Variants in SESTD1 observed in about 807,000 individuals in gnomAD.
SESTD1 encodes the protein SEC14 and spectrin domain containing 1, also known as SEC14 domain and spectrin repeat-containing protein 1.
Under a neutral mutation model 101.7 loss-of-function variants are expected in SESTD1, and 43 were observed. The observed-to-expected ratio is 0.42, with a 90% CI of 0.33 to 0.55. The LOEUF (loss-of-function observed/expected upper bound fraction) is 0.55, where lower values mean the gene tolerates loss of function less well. SESTD1 is among the 20% of genes least tolerant of loss of function. The probability of loss-of-function intolerance (pLI) is 0.07; values close to 1 mark genes in which losing one functional copy is unlikely to be tolerated. For synonymous variants in SESTD1, 283 were observed against 286.8 expected (o/e 0.99, Z 0.13); for missense variants, 647 against 815.1 (o/e 0.79, Z 2.51).
chr2:179,123,189 C>G (rs2044791916), intron 12 of SESTD1, among the ~76,000 whole-genome samples: 1 of 152,062 alleles, frequency 6.6e-6, no homozygotes, highest in Non-Finnish European at 1.5e-5. Flanking sequence ...TGACATCAAG[C>G]CTACATCAGC....
chr2:179,173,235 G>T (rs2045955790), intron 4 of SESTD1, among the ~76,000 whole-genome samples: 1 of 152,144 alleles, frequency 6.6e-6, no homozygotes, highest in Admixed American at 6.6e-5. Flanking sequence ...TCTTCAGAGA[G>T]GCCTTCCCTG....
At chr2:179,257,608 A>C (rs2047417653) in intron 1 of SESTD1, among the ~76,000 whole-genome samples, 1 of 152,224 alleles carries the variant, frequency 6.6e-6, no homozygotes, top group Non-Finnish European at 1.5e-5. Flanking sequence ...TCTGCAAAGG[A>C]TTAAAGACAC....
intron 1 of SESTD1, among the ~76,000 whole-genome samples, chr2:179,241,644 C>T (rs536108269): frequency 2.0e-5 from 3 of 152,058 alleles, no homozygotes; most frequent in Admixed American, 6.5e-5. Context: ...AATTTAGGGC[C>T]GGGCACAGTG....
chr2:179,252,147 A>C lies in SESTD1; in HGVS notation c.-26+12352T>G, dbSNP rs569851555. The stretch of plus-strand genomic sequence containing the variant: ...AGCAGTTTAGCTCAAATGACATTTT[A>C]ACAGAAACTGTTATGTTCAGAACAG... On this transcript the variant is annotated intron_variant, in intron 1 of 17. Coordinates refer to ENST00000428443, the MANE Select transcript of SESTD1 (RefSeq NM_178123.5). Among the ~76,000 whole-genome samples, 7 of 152,370 alleles carry C rather than the reference A, an allele frequency of 4.6e-5. No homozygotes were observed. In the South Asian group the frequency reaches 1.2e-3, roughly 27 times the overall value.
chr2:179,181,162 T>C (rs780066177), intron 3 of SESTD1, among the ~76,000 whole-genome samples: 6 of 152,140 alleles, frequency 3.9e-5, no homozygotes, highest in Non-Finnish European at 8.8e-5. Flanking sequence ...TTAAATAGTA[T>C]AGGCTATTTT....
At chr2:179,171,861 G>T (rs1008192039) in intron 5 of SESTD1, among the ~76,000 whole-genome samples, 13 of 151,958 alleles carry the variant, frequency 8.6e-5, no homozygotes, top group African/African-American at 3.1e-4. Context: ...AAATACAAAG[G>T]TTCTACTTAT....
chr2:179,133,936 A>G lies in SESTD1; in HGVS notation c.850-1510T>C, dbSNP rs192088870. Among the ~76,000 whole-genome samples, 525 of 152,208 alleles carry G rather than the reference A, an allele frequency of 3.4e-3. 1 individual carries two copies. The highest frequency in any genetic ancestry group is 6.0e-3 in the Non-Finnish European group (407 of 68,022). ...TCAAGCACAAAAAAATAACAATACA[A>G]CAATTTAAAGATACAAATAATAAGC... On this transcript the variant is annotated intron_variant, in intron 9 of 17. Transcript: ENST00000428443.
At chr2:179,244,609 A>T (rs2047204035) in intron 1 of SESTD1, among the ~76,000 whole-genome samples, 1 of 152,240 alleles carries the variant, frequency 6.6e-6, no homozygotes, top group Non-Finnish European at 1.5e-5. Context: ...AACATTCTCA[A>T]ATGAAGAAAA....
At chr2:179,131,741 T>G (rs548176408) in intron 10 of SESTD1, among the ~76,000 whole-genome samples, 10 of 152,302 alleles carry the variant, frequency 6.6e-5, no homozygotes, top group Non-Finnish European at 1.5e-4. Flanking sequence ...ACAATTATTA[T>G]CTATAATCTG....
intron 10 of SESTD1, among the ~76,000 whole-genome samples, chr2:179,129,563 T>G (rs2044960972): frequency 6.6e-6 from 1 of 152,214 alleles, no homozygotes; most frequent in Admixed American, 6.5e-5. Context: ...AAATTTAATA[T>G]ATGACATAAA....
At chr2:179,140,486 G>A (rs2045254505) in intron 9 of SESTD1, among the ~76,000 whole-genome samples, 1 of 152,064 alleles carries the variant, frequency 6.6e-6, no homozygotes, top group South Asian at 2.1e-4. Flanking sequence ...TTCCCTCACG[G>A]CCCTCAAAGG....
intron 5 of SESTD1, among the ~76,000 whole-genome samples, chr2:179,170,332 A>C (rs1324300892): frequency 2.0e-5 from 3 of 152,228 alleles, no homozygotes; most frequent in African/African-American, 7.2e-5. Context: ...TATGTGTCTC[A>C]TAAATGACTT....
chr2:179,122,057 G>T, intron 12 of SESTD1, 128 bp from the exon 13 acceptor site: 1 of 742,156 alleles, frequency 1.3e-6, no homozygotes, highest in Non-Finnish European at 1.9e-6. Context: ...AAACCACCTT[G>T]GGATGGAATC....
At chr2:179,143,224 T>C (rs976754398) in intron 9 of SESTD1, among the ~76,000 whole-genome samples, 3 of 152,154 alleles carry the variant, frequency 2.0e-5, no homozygotes, top group Non-Finnish European at 4.4e-5. Flanking sequence ...AGGATAGAAA[T>C]ACTCTTTGTA....
intron 1 of SESTD1, among the ~76,000 whole-genome samples, chr2:179,224,662 G>A (rs781544673): frequency 9.9e-5 from 15 of 152,124 alleles, no homozygotes; most frequent in Admixed American, 4.6e-4. Context: ...AAGGAAAGAA[G>A]AGCTGAAGGT....
chr2:179,143,712 T>C lies in SESTD1; in HGVS notation c.729A>G (p.Ala243=), dbSNP rs768112970. 3 of 1,613,990 alleles carry C rather than the reference T, an allele frequency of 1.9e-6. No individual in the cohort carries two copies. Among genetic ancestry groups the C allele is most frequent in the Non-Finnish European group, 1.7e-6 (2 of 1,179,938 alleles). The change falls in exon 9 of 18, where the codon GCA becomes GCG. Residue 243 remains alanine (A), a synonymous_variant. Transcript: ENST00000428443. The stretch of plus-strand genomic sequence containing the variant: ...CTAATAATTTCATAACCTGTGGCTG[T>C]GCAAGAAGTTCATCATCCATAGGAG... ...SWSPMDDELL[A]QPQVMKLLDS...
chr2:179,107,251 C>T lies in SESTD1; in HGVS notation c.*2648G>A, dbSNP rs2154393489. The T allele has an allele frequency of 6.6e-6, 1 of 152,246 alleles. No individual in the cohort carries two copies. Among genetic ancestry groups the T allele is most frequent in the South Asian group, 2.1e-4 (1 of 4,824 alleles). The allele number at this position is 152,246 out of a possible 1,614,324, so 9.4% of individuals were successfully genotyped here. A position where few individuals can be genotyped will look rare whatever the true frequency, so the allele number is the denominator to read the frequency against. ...GGATTTTCATTCATAACTCTATGTA[C>T]AGATACACATATGAAAGCAGCAGCA... On this transcript the variant is annotated 3_prime_UTR_variant, in exon 18 of 18. Coordinates refer to ENST00000428443, the MANE Select transcript of SESTD1 (RefSeq NM_178123.5).
intron 1 of SESTD1, among the ~76,000 whole-genome samples, chr2:179,196,876 C>T (rs938172606): frequency 4.5e-4 from 68 of 152,278 alleles, no homozygotes; most frequent in Admixed American, 4.1e-3. Flanking sequence ...AGAAGAAAAA[C>T]GGGAAACTCT....
chr2:179,124,277 A>G lies in SESTD1; in HGVS notation c.1167+87T>C, dbSNP rs2044819673. On this transcript the variant is annotated intron_variant, in intron 11 of 17. Transcript: ENST00000428443. ...TTTTATTGGTTCAGAAAAATAATTT[A>G]GGAGGCATGCAAACCTGAAAAAAAT... 2.5e-6 allele frequency: 3 copies of G among 1,218,902 alleles called. 1 individual carries two copies. The South Asian group carries it at 4.9e-5, about 20-fold the overall frequency. The allele number at this position is 1,218,902 out of a possible 1,614,324, so 75.5% of individuals were successfully genotyped here.
Sources: allele counts gnomAD v4.1 joint callset (sites outside exome capture counted in the v4.1 genomes callset), GRCh38; gene constraint gnomAD v4.1.1; transcripts MANE v1.5; gene names NCBI Gene and HGNC (gene_info 2026-07-23, HGNC 2026-07-21).